Variants in PDE4D observed in about 807,000 individuals in gnomAD.
PDE4D encodes the protein 3',5'-cyclic-AMP phosphodiesterase 4D.
Under a neutral mutation model 87.4 loss-of-function variants are expected in PDE4D, and 24 were observed. The ratio of observed to expected loss-of-function variants is 0.27; its 90% CI spans 0.20 to 0.39. PDE4D has a LOEUF of 0.39. Ranked by LOEUF, PDE4D falls within the 10% of genes least tolerant of loss-of-function variation. PDE4D has a pLI of 1.00. For synonymous variants in PDE4D, 384 were observed against 383.2 expected (o/e 1.00, Z -0.02); for missense variants, 714 against 1,041.0 (o/e 0.69, Z 4.32).
chr5:60,268,400 G>C (rs1750465415), intron 1 of PDE4D, among the ~76,000 whole-genome samples: 1 of 152,214 alleles, frequency 6.6e-6, no homozygotes, highest in South Asian at 2.1e-4. Context: ...AAAAGGAAAA[G>C]CTTTGGCACT....
chr5:59,643,964 T>C (rs574727102), intron 1 of PDE4D, among the ~76,000 whole-genome samples: 3 of 152,320 alleles, frequency 2.0e-5, no homozygotes, highest in African/African-American at 7.2e-5. Context: ...ATAAATGTTA[T>C]GCACTTCAAG....
At chr5:59,377,153 C>T (rs1351676436) in intron 1 of PDE4D, among the ~76,000 whole-genome samples, 2 of 152,084 alleles carry the variant, frequency 1.3e-5, no homozygotes, top group Admixed American at 1.3e-4. Context: ...TGTGGTGGCT[C>T]ACACCTGTAA....
At chr5:60,236,419 T>C (rs1483885494) in intron 1 of PDE4D, among the ~76,000 whole-genome samples, 1 of 151,748 alleles carries the variant, frequency 6.6e-6, no homozygotes, top group African/African-American at 2.4e-5. Flanking sequence ...AACAATCCAA[T>C]TTGAAAATGG....
chr5:59,621,863 C>A (rs1333323698), intron 1 of PDE4D, among the ~76,000 whole-genome samples: 1 of 152,164 alleles, frequency 6.6e-6, no homozygotes, highest in African/African-American at 2.4e-5. Flanking sequence ...TCCAAATTTT[C>A]TGTGCCCAAC....
chr5:59,443,420 T>C (rs1416052156), intron 1 of PDE4D, among the ~76,000 whole-genome samples: 1 of 152,224 alleles, frequency 6.6e-6, no homozygotes, highest in African/African-American at 2.4e-5. Flanking sequence ...TTGCACTTTA[T>C]TTTTTATTTC....
At chr5:59,661,915 A>G (rs1745311756) in intron 1 of PDE4D, among the ~76,000 whole-genome samples, 1 of 152,168 alleles carries the variant, frequency 6.6e-6, no homozygotes, top group Non-Finnish European at 1.5e-5. Flanking sequence ...AGACTATATT[A>G]TTGTTCTCAA....
chr5:58,972,581 T>G lies in PDE4D; in HGVS notation c.*2083A>C, dbSNP rs1480369407. On this transcript the variant is annotated 3_prime_UTR_variant, in exon 15 of 15. Transcript: ENST00000340635. The stretch of plus-strand genomic sequence containing the variant: ...ATATAAATGCTTTTCAGAGTTGTAA[T>G]TCTTCTTAAACGTTTGATTTTCCAC... The G allele has an allele frequency of 1.3e-5, 2 of 152,184 alleles. No individual in the cohort carries two copies. The highest frequency in any genetic ancestry group is 4.8e-5 in the African/African-American group (2 of 41,446). 9.4% of individuals were successfully genotyped at this position (152,184 alleles called of 1,614,324 possible).
chr5:59,285,831 C>A (rs2153551704), intron 1 of PDE4D, among the ~76,000 whole-genome samples: 1 of 152,196 alleles, frequency 6.6e-6, no homozygotes, highest in Admixed American at 6.5e-5. Flanking sequence ...ATAAAATCTG[C>A]CAATCAGTCA....
At chr5:59,133,651 C>G (rs1776598552) in intron 5 of PDE4D, among the ~76,000 whole-genome samples, 1 of 152,196 alleles carries the variant, frequency 6.6e-6, no homozygotes, top group South Asian at 2.1e-4. Context: ...GGGCATAAGC[C>G]ACTCTCCCAG....
At chr5:59,102,713 G>GAACTT (rs1488855768) in intron 5 of PDE4D, among the ~76,000 whole-genome samples, 1 of 152,102 alleles carries the variant, frequency 6.6e-6, no homozygotes, top group African/African-American at 2.4e-5. Context: ...CATCACTTGG[G>GAACTT]AACTTATAAG....
chr5:59,753,113 C>A (rs1285174011), intron 1 of PDE4D, among the ~76,000 whole-genome samples: 4 of 152,122 alleles, frequency 2.6e-5, no homozygotes, highest in African/African-American at 9.7e-5. Context: ...TCCTTTTGTT[C>A]ACCTCTGCTA....
chr5:59,492,804 C>T (rs575055042), intron 1 of PDE4D, among the ~76,000 whole-genome samples: 6 of 152,214 alleles, frequency 3.9e-5, no homozygotes, highest in African/African-American at 7.2e-5. Context: ...GGGTCTTTCT[C>T]GTGCTGTTCT....
chr5:59,301,013 G>C lies in PDE4D; in HGVS notation c.456-85045C>G, dbSNP rs139542107. ...ATATAGGGTGAGGTATGGGGGAAGG[G>C]GTGTGGAGCTTCCATGCCTTACCTG... On this transcript the variant is annotated intron_variant, in intron 1 of 14. Coordinates refer to ENST00000340635, the MANE Select transcript of PDE4D (RefSeq NM_001104631.2). Among the ~76,000 whole-genome samples the C allele has an allele frequency of 5.2e-3, 788 of 152,220 alleles. 7 individuals carry two copies. The highest frequency in any genetic ancestry group is 0.018 in the African/African-American group (749 of 41,548).
chr5:59,975,170 C>G (rs73761077), intron 3 of PDE4D, among the ~76,000 whole-genome samples: 1 of 152,112 alleles, frequency 6.6e-6, no homozygotes, highest in Non-Finnish European at 1.5e-5. Flanking sequence ...TTCTCATTCA[C>G]TGAAAACTGC....
intron 1 of PDE4D, among the ~76,000 whole-genome samples, chr5:59,772,153 G>A (rs1485947259): frequency 6.6e-6 from 1 of 152,176 alleles, no homozygotes; most frequent in African/African-American, 2.4e-5. Context: ...AACACAAATT[G>A]TAAGATTCTG....
chr5:59,346,343 TC>T (rs1013558900), intron 1 of PDE4D, among the ~76,000 whole-genome samples: 38 of 152,244 alleles, frequency 2.5e-4, no homozygotes, highest in African/African-American at 9.1e-4. Context: ...ACCAAATAGA[TC>T]CTTGCAGAGT....
chr5:60,050,640 T>A (rs1235621972), intron 2 of PDE4D, among the ~76,000 whole-genome samples: 2 of 152,072 alleles, frequency 1.3e-5, no homozygotes, highest in Admixed American at 1.3e-4. Context: ...ATGGGCAAAA[T>A]AACCAGCTAG....
intron 1 of PDE4D, chr5:59,275,760 T>A: frequency 2.0e-6 from 2 of 1,003,980 alleles, no homozygotes; most frequent in Non-Finnish European, 2.4e-6. Flanking sequence ...TTTTTTGCAA[T>A]TCCATAGTAA....
At chr5:60,231,834 C>A (rs1348111277) in intron 1 of PDE4D, among the ~76,000 whole-genome samples, 1 of 151,888 alleles carries the variant, frequency 6.6e-6, no homozygotes, top group African/African-American at 2.4e-5. Context: ...GGTATAAAAT[C>A]AAGATCACAG....
Sources: gnomAD v4.1 joint callset for allele counts (sites outside exome capture counted in the v4.1 genomes callset) on GRCh38, gnomAD v4.1.1 for gene constraint, MANE v1.5 for transcripts, NCBI Gene and HGNC (gene_info 2026-07-23, HGNC 2026-07-21) for gene names.